Variants in TAF4 observed in about 807,000 individuals in gnomAD.
TAF4 encodes the protein transcription initiation factor TFIID subunit 4.
In TAF4, 9 loss-of-function variants were observed where a neutral mutation model predicts 90.3. That is an observed-to-expected ratio of 0.10 (90% CI 0.06 to 0.17). TAF4 has a LOEUF of 0.17. Among genes scored for constraint, TAF4 ranks in the 10% least tolerant of loss-of-function variants. The probability of loss-of-function intolerance (pLI) is 1.00; values close to 1 mark genes in which losing one functional copy is unlikely to be tolerated. For synonymous variants in TAF4, 818 were observed against 638.9 expected, an observed-to-expected ratio of 1.28 and a Z score of -4.23; for missense variants, 1,351 against 1,370.7, an observed-to-expected ratio of 0.99 and a Z score of 0.23.
chr20:62,024,541 C>T (rs993840465), intron 1 of TAF4, among the ~76,000 whole-genome samples: 2 of 152,124 alleles, frequency 1.3e-5, no homozygotes, highest in Non-Finnish European at 2.9e-5. Context: ...GGGCTTGGAT[C>T]CAGAATGTAT....
chr20:62,008,565 G>A (rs908492689), intron 5 of TAF4, among the ~76,000 whole-genome samples: 6 of 151,874 alleles, frequency 4.0e-5, no homozygotes, highest in African/African-American at 9.7e-5. Flanking sequence ...TGGGGGGGAC[G>A]GCTCTGCCAC....
Position 62,000,270 on chromosome 20 carries a change from G to C in TAF4, c.2657-16C>G. On this transcript the variant is annotated splice_polypyrimidine_tract_variant and intron_variant, in intron 10 of 14. Coordinates refer to ENST00000252996, the MANE Select transcript of TAF4 (RefSeq NM_003185.4). Reference sequence around the variant, plus strand: ...TGTTTTTTACCTAAAGGTCAGGCAAGAAAAACAGTATTTTAAAATCATTAA... The same window carrying C: ...TGTTTTTTACCTAAAGGTCAGGCAACAAAAACAGTATTTTAAAATCATTAA... 3.7e-6 allele frequency: 6 copies of C among 1,610,136 alleles called. No individual in the cohort carries two copies. Among genetic ancestry groups the C allele is most frequent in the South Asian group, 1.1e-5 (1 of 90,550 alleles).
rs1418500397 is a variant in TAF4 at position 62,006,582 on chromosome 20, G to A, written c.2151C>T (p.Leu717=). The change falls in exon 7 of 15, where the codon CTC becomes CTT. Residue 717 remains leucine (L), a synonymous_variant. Coordinates refer to ENST00000252996, the MANE Select transcript of TAF4 (RefSeq NM_003185.4). The surrounding 1 kb of genome is among the most constrained non-coding windows in gnomAD (Gnocchi z 7.0). ...GKTAATVTSA[L]QPPVLSLTQP... is the part of the protein sequence containing the mutation. ...GCGTGAGGCTGAGCACAGGGGGCTG[G>A]AGGGCACTGGTCACGGTGGCCGCCG... The A allele has an allele frequency of 1.9e-6, 3 of 1,597,582 alleles. No homozygotes were observed. The highest frequency in any genetic ancestry group is 2.3e-5 in the East Asian group (1 of 44,136).
At chr20:61,994,989 T>C (rs1346932207) in intron 14 of TAF4, among the ~76,000 whole-genome samples, 1 of 152,198 alleles carries the variant, frequency 6.6e-6, no homozygotes, top group African/African-American at 2.4e-5. Flanking sequence ...AGTTTGCAAC[T>C]TGAGTCCCAC....
At chr20:61,991,331 G>C (rs926512874) in intron 14 of TAF4, among the ~76,000 whole-genome samples, 19 of 152,150 alleles carry the variant, frequency 1.2e-4, no homozygotes, top group African/African-American at 4.6e-4. Flanking sequence ...TGAGGCAGAA[G>C]AAAACCAGGA....
intron 1 of TAF4, among the ~76,000 whole-genome samples, chr20:62,019,645 AGTG>A (rs1318902793): frequency 2.0e-5 from 3 of 152,118 alleles, no homozygotes; most frequent in African/African-American, 7.2e-5. Flanking sequence ...AGTGGTGACC[AGTG>A]GTGACCAGTG....
rs372547782 is a variant in TAF4, at chr20:61,976,144, A to G, written c.*24T>C. ...AAAGGCGTAATCTGCAAATATATAA[A>G]AAGTCCCCAGGCGTCCTCCTGTGTC... is the stretch of plus-strand genomic sequence containing the variant. On this transcript the variant is annotated 3_prime_UTR_variant, in exon 15 of 15. Transcript: ENST00000252996. The G allele has an allele frequency of 6.6e-5, 107 of 1,609,492 alleles. No individual in the cohort carries two copies. The highest frequency in any genetic ancestry group is 7.9e-5 in the Non-Finnish European group (93 of 1,176,302).
At position 62,000,270 on chromosome 20, in the gene TAF4, G is replaced by A. The variant is rs768210607; in HGVS notation, c.2657-16C>T. 3 of 1,610,136 alleles carry A rather than the reference G, an allele frequency of 1.9e-6. No individual in the cohort carries two copies. The highest frequency in any genetic ancestry group is 4.5e-5 in the East Asian group (2 of 44,844). On this transcript the variant is annotated splice_polypyrimidine_tract_variant and intron_variant, in intron 10 of 14. Transcript: ENST00000252996. ...TGTTTTTTACCTAAAGGTCAGGCAAGAAAAACAGTATTTTAAAATCATTAA... is the reference window on the plus strand; with the variant it reads ...TGTTTTTTACCTAAAGGTCAGGCAAAAAAAACAGTATTTTAAAATCATTAA...
rs368030373 is a variant in TAF4, at chr20:61,998,120, G to A, written c.2970+16C>T. The A allele has an allele frequency of 5.0e-5, 81 of 1,613,570 alleles. No individual in the cohort carries two copies. The African/African-American group carries it at 6.5e-4, about 13-fold the overall frequency. On this transcript the variant is annotated intron_variant, in intron 13 of 14. Coordinates refer to ENST00000252996, the MANE Select transcript of TAF4 (RefSeq NM_003185.4). ...CAGCAAAGTGCCCACGAGCACTCAC[G>A]ACTAACAGGGCTCACCTCCTTTGCC... is the stretch of plus-strand genomic sequence containing the variant.
chr20:62,057,220 T>G (rs951256259), intron 1 of TAF4, among the ~76,000 whole-genome samples: 2 of 152,218 alleles, frequency 1.3e-5, no homozygotes, highest in African/African-American at 4.8e-5. Flanking sequence ...GTGGACCAGC[T>G]GACCCACAAA....
At position 62,010,734 on chromosome 20, in the gene TAF4, G is replaced by A. The variant is rs1176667065; in HGVS notation, c.1642-569C>T. ...CCTCCCACAGAGGGGAGTTTTCAGAGCAGATTCGAGCAATGGAGGATGGGT... is the reference window on the plus strand; with the variant it reads ...CCTCCCACAGAGGGGAGTTTTCAGAACAGATTCGAGCAATGGAGGATGGGT... On this transcript the variant is annotated intron_variant, in intron 3 of 14. Coordinates refer to ENST00000252996, the MANE Select transcript of TAF4 (RefSeq NM_003185.4). The surrounding 1 kb of genome is among the most constrained non-coding windows in gnomAD (Gnocchi z 4.5). 6.6e-6 allele frequency among the ~76,000 whole-genome samples: 1 copy of A among 152,164 alleles called. No individual in the cohort carries two copies. The highest frequency in any genetic ancestry group is 1.5e-5 in the Non-Finnish European group (1 of 68,042).
intron 2 of TAF4, among the ~76,000 whole-genome samples, chr20:62,014,044 G>A (rs1013411176): frequency 4.6e-5 from 6 of 131,230 alleles, no homozygotes; most frequent in African/African-American, 2.3e-4. Context: ...GTGTGTGTGT[G>A]TATGTGTGTG....
At chr20:62,060,528 ACGACCCCAGC>A (rs934886871) in intron 1 of TAF4, among the ~76,000 whole-genome samples, 27 of 152,236 alleles carry the variant, frequency 1.8e-4, no homozygotes, top group Non-Finnish European at 2.9e-4. Flanking sequence ...GGCGATGGTG[ACGACCCCAGC>A]CGCGGGGCAG....
chr20:62,048,476 G>A (rs1051278926), intron 1 of TAF4, among the ~76,000 whole-genome samples: 2 of 152,034 alleles, frequency 1.3e-5, no homozygotes, highest in Non-Finnish European at 2.9e-5. Flanking sequence ...CTGTCCCCAG[G>A]GTGGACCCTG....
intron 1 of TAF4, among the ~76,000 whole-genome samples, chr20:62,040,362 G>A (rs535924406): frequency 2.6e-5 from 4 of 152,222 alleles, no homozygotes; most frequent in Non-Finnish European, 5.9e-5. Context: ...CAAGGGAAAG[G>A]GCCAGATGTG....
intron 1 of TAF4, among the ~76,000 whole-genome samples, chr20:62,031,467 CT>C (rs2055903974): frequency 6.6e-6 from 1 of 152,194 alleles, no homozygotes; most frequent in South Asian, 2.1e-4. Flanking sequence ...AACAGAGAGC[CT>C]TCACTTCTGC....
chr20:62,053,970 T>C (rs1179792710), intron 1 of TAF4, among the ~76,000 whole-genome samples: 1 of 152,158 alleles, frequency 6.6e-6, no homozygotes, highest in East Asian at 1.9e-4. Flanking sequence ...GGCCCAGACC[T>C]AGCAGACAGC....
chr20:61,981,162 G>A (rs964889948), intron 14 of TAF4: 3 of 152,240 alleles, frequency 2.0e-5, no homozygotes, highest in African/African-American at 7.2e-5. Flanking sequence ...ACTTCCCCAT[G>A]TGGCCAGCAG....
chr20:61,998,467 C>G (rs879830038), intron 12 of TAF4, among the ~76,000 whole-genome samples: 1 of 152,148 alleles, frequency 6.6e-6, no homozygotes, highest in South Asian at 2.1e-4. Flanking sequence ...CTGATGTGAC[C>G]GCATGATGGC....
Sources: gnomAD v4.1 joint callset for allele counts (sites outside exome capture counted in the v4.1 genomes callset) on GRCh38, gnomAD v4.1.1 for gene constraint, Gnocchi (gnomAD v3.1) non-coding constraint, MANE v1.5 for transcripts, NCBI Gene and HGNC (gene_info 2026-07-23, HGNC 2026-07-21) for gene names.